Variants in CADM2 observed in about 807,000 individuals in gnomAD.
CADM2 encodes the protein cell adhesion molecule 2.
In CADM2, 12 loss-of-function variants were observed where a neutral mutation model predicts 49.8. That is an observed-to-expected ratio of 0.24 (90% CI 0.15 to 0.39). The LOEUF (loss-of-function observed/expected upper bound fraction) is 0.39, where lower values mean the gene tolerates loss of function less well. Ranked by LOEUF, CADM2 falls within the 10% of genes least tolerant of loss-of-function variation. CADM2 has a pLI of 1.00. For synonymous variants in CADM2, 214 were observed against 175.4 expected (o/e 1.22, Z -1.74); for missense variants, 378 against 492.3 (o/e 0.77, Z 2.20).
chr3:85,790,005 A>C (rs149824591), intron 2 of CADM2, among the ~76,000 whole-genome samples: 10 of 152,368 alleles, frequency 6.6e-5, no homozygotes, highest in African/African-American at 2.4e-4. Flanking sequence ...AGCATCCTTT[A>C]AATAAAGTTT....
At chr3:85,250,192 C>T (rs1319952925) in intron 1 of CADM2, among the ~76,000 whole-genome samples, 1 of 151,476 alleles carries the variant, frequency 6.6e-6, no homozygotes, top group Non-Finnish European at 1.5e-5. Flanking sequence ...AAAATATTTT[C>T]AGTAACATGA....
At chr3:85,943,966 A>G (rs1489048633) in intron 7 of CADM2, among the ~76,000 whole-genome samples, 3 of 152,074 alleles carry the variant, frequency 2.0e-5, no homozygotes, top group Non-Finnish European at 4.4e-5. Context: ...TAATTAAAAT[A>G]CACACACTGG....
At chr3:86,033,733 G>T (rs1375007289) in intron 8 of CADM2, among the ~76,000 whole-genome samples, 2 of 141,318 alleles carry the variant, frequency 1.4e-5, no homozygotes, top group Admixed American at 7.2e-5. Context: ...ACTTGAAGTG[G>T]ATCAGAAGCC....
chr3:85,329,092 G>GAT (rs2044836259), intron 1 of CADM2, among the ~76,000 whole-genome samples: 1 of 152,090 alleles, frequency 6.6e-6, no homozygotes, highest in Non-Finnish European at 1.5e-5. Flanking sequence ...TGTATAGGGA[G>GAT]ATAACTGTAT....
intron 1 of CADM2, among the ~76,000 whole-genome samples, chr3:85,339,116 T>G (rs1407193465): frequency 6.6e-6 from 1 of 151,558 alleles, no homozygotes; most frequent in East Asian, 1.9e-4. Flanking sequence ...CTCTGAGCCT[T>G]GGTTCTTTGA....
At chr3:85,371,899 T>A (rs1426976840) in intron 1 of CADM2, among the ~76,000 whole-genome samples, 1 of 151,504 alleles carries the variant, frequency 6.6e-6, no homozygotes, top group African/African-American at 2.4e-5. Flanking sequence ...CTGTATACTG[T>A]GAAGGAGAAC....
intron 2 of CADM2, 76 bp downstream of exon 2, chr3:85,726,624 A>G (rs2067706052): frequency 8.5e-7 from 1 of 1,174,356 alleles, no homozygotes; most frequent in Non-Finnish European, 1.3e-6. Context: ...CTTAAATGAT[A>G]GAACCAATTC....
Position 85,312,409 on chromosome 3 carries a change from A to G in CADM2, c.61+352741A>G, listed in dbSNP as rs865928892. ...TGGTCCTACCGGTAAGAGACGTGTA[A>G]ATTGACTAGACATTGAATAAAACTA... On this transcript the variant is annotated intron_variant, in intron 1 of 9. Coordinates refer to ENST00000383699, the MANE Select transcript of CADM2 (RefSeq NM_001167675.2). Among the ~76,000 whole-genome samples the G allele has an allele frequency of 1.2e-4, 18 of 152,260 alleles. No individual in the cohort carries two copies. The Middle Eastern group carries it at 0.014, about 115-fold the overall frequency.
At chr3:85,176,057 A>G (rs2107693854) in intron 1 of CADM2, among the ~76,000 whole-genome samples, 1 of 150,762 alleles carries the variant, frequency 6.6e-6, no homozygotes, top group East Asian at 2.0e-4. Flanking sequence ...GCCTGTCCTA[A>G]TCTTTTGATA....
At chr3:85,634,876 A>C (rs944261555) in intron 1 of CADM2, among the ~76,000 whole-genome samples, 10 of 133,284 alleles carry the variant, frequency 7.5e-5, no homozygotes, top group Admixed American at 7.0e-4. Context: ...TCAATTTTCA[A>C]ACAGAAAATT....
At chr3:85,866,224 A>G (rs1023541674) in intron 3 of CADM2, among the ~76,000 whole-genome samples, 1 of 152,214 alleles carries the variant, frequency 6.6e-6, no homozygotes, top group African/African-American at 2.4e-5. Context: ...TTTACTAAGA[A>G]AGGTAAAATA....
At chr3:85,208,135 G>C (rs918783394) in intron 1 of CADM2, among the ~76,000 whole-genome samples, 1 of 152,036 alleles carries the variant, frequency 6.6e-6, no homozygotes, top group African/African-American at 2.4e-5. Context: ...GATTTGCCTT[G>C]CACTTTTTAC....
chr3:85,311,789 T>C (rs2044351868), intron 1 of CADM2, among the ~76,000 whole-genome samples: 1 of 152,180 alleles, frequency 6.6e-6, no homozygotes, highest in African/African-American at 2.4e-5. Context: ...CAAAACAAGA[T>C]GGCAGATGCA....
At chr3:85,133,476 G>A (rs1277406301) in intron 1 of CADM2, among the ~76,000 whole-genome samples, 2 of 152,080 alleles carry the variant, frequency 1.3e-5, no homozygotes, top group East Asian at 3.9e-4. Context: ...ATACAGTGTC[G>A]ATTGGTGCAT....
At chr3:85,726,668 T>C (rs1214146523) in intron 2 of CADM2, 120 bp downstream of exon 2, 2 of 633,118 alleles carry the variant, frequency 3.2e-6, no homozygotes, top group Admixed American at 2.7e-5. Flanking sequence ...TGTATAGATA[T>C]TGTTCATAAA....
chr3:85,510,070 A>C (rs2040543796), intron 1 of CADM2, among the ~76,000 whole-genome samples: 1 of 152,038 alleles, frequency 6.6e-6, no homozygotes, highest in Non-Finnish European at 1.5e-5. Flanking sequence ...TGTATAATGG[A>C]ACAAAGAAAG....
chr3:85,616,586 T>C (rs1408984604), intron 1 of CADM2, among the ~76,000 whole-genome samples: 6 of 152,124 alleles, frequency 3.9e-5, no homozygotes, highest in Admixed American at 3.9e-4. Flanking sequence ...GTATAACATA[T>C]AATAAATGAG....
chr3:85,980,111 CA>C (rs1174233585), intron 8 of CADM2, among the ~76,000 whole-genome samples: 1 of 151,402 alleles, frequency 6.6e-6, no homozygotes, highest in Admixed American at 6.6e-5. Context: ...AAGCAGTGCT[CA>C]GAGAGAATTT....
chr3:85,804,357 T>C (rs2072265611), intron 3 of CADM2, among the ~76,000 whole-genome samples: 1 of 152,164 alleles, frequency 6.6e-6, no homozygotes, highest in African/African-American at 2.4e-5. Context: ...ATACTACTTT[T>C]TTCCATCCCT....
Sources: allele counts gnomAD v4.1 joint callset (sites outside exome capture counted in the v4.1 genomes callset), GRCh38; gene constraint gnomAD v4.1.1; transcripts MANE v1.5; gene names NCBI Gene and HGNC (gene_info 2026-07-23, HGNC 2026-07-21).